The following RPL26 variants were observed in gnomAD, a reference collection of about 807,000 sequenced individuals.
RPL26 encodes ribosomal protein L26.
RPL26 carries 1 observed loss-of-function variant against 16.2 expected under a neutral mutation model. That is an observed-to-expected ratio of 0.06 (90% confidence interval 0.02 to 0.29). RPL26 has a LOEUF of 0.29. Among genes scored for constraint, RPL26 ranks in the 10% least tolerant of loss-of-function variants. RPL26 has a pLI of 1.00. For synonymous variants in RPL26, 55 were observed against 62.4 expected (o/e 0.88, Z 0.56); for missense variants, 102 against 184.3 (o/e 0.55, Z 2.58).
At chr17:8,379,720 G>T in intron 3 of RPL26, 76 bp downstream of exon 3, 4 of 1,365,230 alleles carry the variant, frequency 2.9e-6, no homozygotes, top group South Asian at 1.3e-5. Flanking sequence ...TATTTCTATG[G>T]CCTTGCTCTG....
At chr17:8,381,365 G>A (rs1430915544) in intron 2 of RPL26, 1 of 152,162 alleles carries the variant, frequency 6.6e-6, no homozygotes, top group Non-Finnish European at 1.5e-5. Context: ...CTGGACAGCA[G>A]GCAAAATGAG....
intron 3 of RPL26, among the ~76,000 whole-genome samples, chr17:8,378,143 C>T (rs1055565347): frequency 2.0e-5 from 3 of 152,072 alleles, no homozygotes. Flanking sequence ...CCAGTCTGGC[C>T]AACACGGTGA....
chr17:8,379,634 G>T (rs62064331), intron 3 of RPL26, 162 bp downstream of exon 3: 289 of 643,266 alleles, frequency 4.5e-4, no homozygotes, highest in Middle Eastern at 1.7e-3. Flanking sequence ...ATTTTAAATG[G>T]TATTAGAATT....
At chr17:8,382,360 C>T in intron 1 of RPL26, 45 bp from the exon 2 acceptor site, 1 of 1,376,304 alleles carries the variant, frequency 7.3e-7, no homozygotes. Context: ...AAAATCTCAT[C>T]CAGCTTCCAA....
chr17:8,382,760 A>G (rs1486825080), intron 1 of RPL26: 7 of 338,816 alleles, frequency 2.1e-5, no homozygotes, highest in Non-Finnish European at 3.2e-5. Context: ...GCCAAAATGA[A>G]TAAGGCCCAC....
intron 1 of RPL26, 126 bp downstream of exon 1, chr17:8,383,031 T>A (rs1234277880): frequency 2.5e-6 from 1 of 398,126 alleles, no homozygotes; most frequent in African/African-American, 2.1e-5. Flanking sequence ...TAAAAAACCA[T>A]CCCAGTCTCT....
intron 2 of RPL26, chr17:8,380,776 T>G (rs551704528): frequency 3.5e-4 from 54 of 152,382 alleles, no homozygotes; most frequent in African/African-American, 1.3e-3. Flanking sequence ...ATCTTGCTTC[T>G]AACCTCCAAG....
intron 2 of RPL26, chr17:8,381,918 C>A (rs1392754973): frequency 2.7e-6 from 1 of 370,056 alleles, no homozygotes; most frequent in African/African-American, 2.8e-5. Context: ...GGGACAAGAG[C>A]GAGACTTCAT....
intron 2 of RPL26, chr17:8,380,507 A>C (rs1030962628): frequency 2.6e-5 from 4 of 152,582 alleles, no homozygotes; most frequent in African/African-American, 9.6e-5. Flanking sequence ...TGAATTCTTT[A>C]ATCACTAGCT....
chr17:8,378,119 T>C (rs542159211), intron 3 of RPL26, among the ~76,000 whole-genome samples: 154 of 152,020 alleles, frequency 1.0e-3, no homozygotes, highest in African/African-American at 3.3e-3. Flanking sequence ...TCACCTGAGG[T>C]CAGGAGTTTG....
chr17:8,379,474 T>C, intron 3 of RPL26: 1 of 459,640 alleles, frequency 2.2e-6, no homozygotes. Context: ...CTCAGGAGGC[T>C]GAGGCGGGAG....
chr17:8,382,327 G>C lies in RPL26; in HGVS notation c.-5-12C>G, dbSNP rs770486108. On this transcript the variant is annotated splice_polypyrimidine_tract_variant and intron_variant, in intron 1 of 3. Transcript: ENST00000648839. The stretch of plus-strand genomic sequence containing the variant: ...AAACTTCATTTTGGCTAAATAAAAA[G>C]TTAAAAAGACTCTTAAATGACCAAA... 1.9e-6 allele frequency: 3 copies of C among 1,601,142 alleles called. No individual in the cohort carries two copies. Among genetic ancestry groups the C allele is most frequent in the Middle Eastern group, 1.7e-4 (1 of 6,034 alleles).
intron 2 of RPL26, chr17:8,381,694 G>T (rs1485960079): frequency 1.1e-5 from 2 of 186,386 alleles, no homozygotes; most frequent in Admixed American, 1.3e-4. Context: ...TTGGGAGGCT[G>T]AGGCGGGCTG....
At chr17:8,382,077 A>G (rs769458060) in intron 2 of RPL26, 66 bp downstream of exon 2, 138 of 1,374,336 alleles carry the variant, frequency 1.0e-4, no homozygotes, top group Non-Finnish European at 1.3e-4. Context: ...CAGGAATGCA[A>G]TCTCTCTTCT....
intron 1 of RPL26, 91 bp from the exon 2 acceptor site, chr17:8,382,406 G>T: frequency 1.1e-6 from 1 of 933,280 alleles, no homozygotes; most frequent in Non-Finnish European, 1.7e-6. Flanking sequence ...TGATAGTCTA[G>T]AATGATCATA....
intron 2 of RPL26, chr17:8,381,328 A>G (rs1026169952): frequency 5.9e-5 from 9 of 152,322 alleles, no homozygotes; most frequent in African/African-American, 2.2e-4. Context: ...CTCTATTGCA[A>G]TTCCTGTCTA....
rs747836389 is a variant in RPL26, at chr17:8,382,128, A to C, written c.168+15T>G. ...AATATCCATCAAGACAACGAGAACAAGTAGGGATACACACCTGAACTTCAT... is the reference window on the plus strand; with the variant it reads ...AATATCCATCAAGACAACGAGAACACGTAGGGATACACACCTGAACTTCAT... On this transcript the variant is annotated intron_variant, in intron 2 of 3. Coordinates refer to ENST00000648839, the MANE Select transcript of RPL26 (RefSeq NM_000987.5). 28 of 1,607,880 alleles carry C rather than the reference A, an allele frequency of 1.7e-5. No homozygotes were observed. Among genetic ancestry groups the C allele is most frequent in the Non-Finnish European group, 2.3e-5 (27 of 1,175,582 alleles).
intron 2 of RPL26, chr17:8,381,690 G>A (rs1217969731): frequency 5.5e-6 from 1 of 183,284 alleles, no homozygotes; most frequent in East Asian, 1.8e-4. Flanking sequence ...CACTTTGGGA[G>A]GCTGAGGCGG....
At chr17:8,381,945 AAAAAG>A in intron 2 of RPL26, 193 bp downstream of exon 2, 1 of 494,742 alleles carries the variant, frequency 2.0e-6, no homozygotes, top group Non-Finnish European at 3.5e-6. Flanking sequence ...AAAAAAAAAA[AAAAAG>A]ATTTTCACCA....
Sources: allele counts gnomAD v4.1 joint callset (sites outside exome capture counted in the v4.1 genomes callset), GRCh38; gene constraint gnomAD v4.1.1; transcripts MANE v1.5; gene names NCBI Gene and HGNC (gene_info 2026-07-23, HGNC 2026-07-21).